Variants in JMJD1C observed in about 807,000 individuals in gnomAD.
The protein encoded by JMJD1C is jumonji domain containing 1C.
A neutral mutation model predicts 245.3 loss-of-function variants in JMJD1C; 31 were observed. The ratio of observed to expected loss-of-function variants is 0.13; its 90% confidence interval spans 0.09 to 0.17. The LOEUF is 0.17. JMJD1C is among the 10% of genes least tolerant of loss of function. The probability of loss-of-function intolerance (pLI) is 1.00; values close to 1 mark genes in which losing one functional copy is unlikely to be tolerated. For synonymous variants in JMJD1C, 1,057 were observed against 1,017.4 expected (o/e 1.04, Z -0.74); for missense variants, 2,691 against 3,000.2 (o/e 0.90, Z 2.41).
intron 1 of JMJD1C, among the ~76,000 whole-genome samples, chr10:63,459,594 G>C (rs759946776): frequency 2.0e-5 from 3 of 151,952 alleles, no homozygotes; most frequent in African/African-American, 7.2e-5. Context: ...GGATACACCT[G>C]GACACATAAA....
At chr10:63,411,066 C>A (rs1949444030) in intron 1 of JMJD1C, among the ~76,000 whole-genome samples, 2 of 152,140 alleles carry the variant, frequency 1.3e-5, no homozygotes, top group African/African-American at 2.4e-5. Context: ...GATGTTATGG[C>A]AGCCCTAGGA....
intron 1 of JMJD1C, among the ~76,000 whole-genome samples, chr10:63,449,814 C>T (rs1411506610): frequency 6.6e-6 from 1 of 151,992 alleles, no homozygotes; most frequent in Non-Finnish European, 1.5e-5. Flanking sequence ...TAAAACTGTA[C>T]ACAATTCCAA....
At position 63,430,469 on chromosome 10, in the gene JMJD1C, GA is replaced by G. The variant is rs1448480333; in HGVS notation, c.168+35025del. On this transcript the variant is annotated intron_variant, in intron 1 of 25. Coordinates refer to ENST00000399262, the MANE Select transcript of JMJD1C (RefSeq NM_032776.3). Reference sequence around the variant, plus strand: ...TGAATAAATCTTGAGAGCATTAAGTGAAAGAAAGCTAGATGCAAAAGGGCAC... The same window carrying G: ...TGAATAAATCTTGAGAGCATTAAGTGAAGAAAGCTAGATGCAAAAGGGCAC... Among the ~76,000 whole-genome samples the G allele has an allele frequency of 2.5e-4, 38 of 152,302 alleles. 1 individual carries two copies. The highest frequency in any genetic ancestry group is 8.9e-4 in the African/African-American group (37 of 41,572).
chr10:63,355,101 A>G lies in JMJD1C; in HGVS notation c.333+25217T>C, dbSNP rs117193764. On this transcript the variant is annotated intron_variant, in intron 2 of 25. Coordinates refer to ENST00000399262, the MANE Select transcript of JMJD1C (RefSeq NM_032776.3). ...GATAGAGATTTTTGTCTTAGAAAAA[A>G]AAAAGCAAGTGATTCTCTAATCTCT... 5.9e-4 allele frequency among the ~76,000 whole-genome samples: 90 copies of G among 152,266 alleles called. No individual in the cohort carries two copies. The Middle Eastern group carries it at 0.01, about 17-fold the overall frequency.
intron 2 of JMJD1C, chr10:63,268,666 G>T: frequency 2.1e-6 from 2 of 972,194 alleles, no homozygotes; most frequent in Middle Eastern, 5.3e-4. Flanking sequence ...ACCGTACTTT[G>T]TTCTTGAGAA....
At chr10:63,473,528 T>G (rs1465665508) in intron 1 of JMJD1C, among the ~76,000 whole-genome samples, 3 of 152,118 alleles carry the variant, frequency 2.0e-5, no homozygotes, top group Non-Finnish European at 2.9e-5. Context: ...ATTTCAGGCA[T>G]GAGCCACTGT....
intron 3 of JMJD1C, among the ~76,000 whole-genome samples, chr10:63,254,854 C>T (rs1396236764): frequency 2.0e-5 from 3 of 148,962 alleles, no homozygotes; most frequent in Non-Finnish European, 4.5e-5. Context: ...AGCATAGCTC[C>T]CCCCCTTTTT....
At chr10:63,346,822 T>C (rs1943854646) in intron 2 of JMJD1C, among the ~76,000 whole-genome samples, 1 of 152,178 alleles carries the variant, frequency 6.6e-6, no homozygotes, top group South Asian at 2.1e-4. Context: ...TATCGTATCA[T>C]TCAGTGTCAT....
At chr10:63,437,250 G>C (rs1951108925) in intron 1 of JMJD1C, among the ~76,000 whole-genome samples, 1 of 152,112 alleles carries the variant, frequency 6.6e-6, no homozygotes, top group African/African-American at 2.4e-5. Flanking sequence ...GTCAGTCCTT[G>C]CTGTACATAA....
chr10:63,518,979 ACT>A (rs774299079), intron 1 of JMJD1C, among the ~76,000 whole-genome samples: 6 of 152,182 alleles, frequency 3.9e-5, no homozygotes, highest in Non-Finnish European at 8.8e-5. Context: ...AGTTGAGTTA[ACT>A]TCTCTAAACC....
chr10:63,379,694 C>T (rs1159291228), intron 2 of JMJD1C, among the ~76,000 whole-genome samples: 1 of 152,160 alleles, frequency 6.6e-6, no homozygotes, highest in Non-Finnish European at 1.5e-5. Context: ...ACGTGGCATA[C>T]AGTCAACTAT....
At chr10:63,386,812 C>T (rs994656513) in intron 1 of JMJD1C, among the ~76,000 whole-genome samples, 1 of 152,162 alleles carries the variant, frequency 6.6e-6, no homozygotes, top group Non-Finnish European at 1.5e-5. Context: ...CACTCATTCA[C>T]CCCACTACTG....
At chr10:63,429,615 G>T (rs1004009573) in intron 1 of JMJD1C, among the ~76,000 whole-genome samples, 10 of 152,144 alleles carry the variant, frequency 6.6e-5, no homozygotes, top group Non-Finnish European at 2.9e-5. Flanking sequence ...AGCCTGCAGG[G>T]AAAATGTTGT....
At position 63,207,551 on chromosome 10, in the gene JMJD1C, T is replaced by C; in HGVS notation, c.4118A>G (p.Gln1373Arg). The C allele has an allele frequency of 1.9e-6, 3 of 1,614,190 alleles. No individual in the cohort carries two copies. Among genetic ancestry groups the C allele is most frequent in the African/African-American group, 1.3e-5 (1 of 75,060 alleles). Residue 1373 changes from glutamine (Q) to arginine (R), a missense_variant, in exon 10 of 26, where the codon CAG becomes CGG. Gln to Arg is a conservative substitution (Grantham distance 43). Around this residue, in one of 9 missense-constraint regions of JMJD1C, gnomAD observed 1,562 missense variants for 1,490.7 expected, o/e 1.05. Coordinates refer to ENST00000399262, the MANE Select transcript of JMJD1C (RefSeq NM_032776.3). ...SVHTKSEKNF[Q>R]AVSQGSVPSS... ...GGGAACACTGCCCTGTGAGACAGCC[T>C]GAAAGTTTTTTTCAGATTTTGTGTG...
chr10:63,217,147 G>T, intron 5 of JMJD1C, 60 bp downstream of exon 5: 1 of 1,424,702 alleles, frequency 7.0e-7, no homozygotes, highest in South Asian at 1.3e-5. Context: ...ATGTATTTTG[G>T]GGGGCATGGA....
intron 1 of JMJD1C, among the ~76,000 whole-genome samples, chr10:63,393,388 C>G (rs1333102668): frequency 6.6e-6 from 1 of 152,120 alleles, no homozygotes; most frequent in East Asian, 1.9e-4. Flanking sequence ...CAAAAAATAA[C>G]AGATGCTGGT....
intron 1 of JMJD1C, chr10:63,427,989 G>A: frequency 2.9e-6 from 2 of 690,206 alleles, no homozygotes; most frequent in Admixed American, 2.1e-5. Flanking sequence ...AGACAGTTTG[G>A]CTTAGCCCCC....
intron 3 of JMJD1C, among the ~76,000 whole-genome samples, chr10:63,236,914 G>A (rs539544314): frequency 6.6e-6 from 1 of 152,192 alleles, no homozygotes; most frequent in Non-Finnish European, 1.5e-5. Flanking sequence ...AGGTGTTCAA[G>A]ACCAGCCTGG....
At chr10:63,230,133 G>T (rs1367626967) in intron 3 of JMJD1C, among the ~76,000 whole-genome samples, 2 of 152,210 alleles carry the variant, frequency 1.3e-5, no homozygotes, top group Non-Finnish European at 2.9e-5. Flanking sequence ...AGCACTTTGG[G>T]AGGCTGAGGT....
Sources: allele counts gnomAD v4.1 joint callset (sites outside exome capture counted in the v4.1 genomes callset), GRCh38; gene constraint gnomAD v4.1.1; regional missense constraint gnomAD v4.1.1; transcripts MANE v1.5; gene names NCBI Gene and HGNC (gene_info 2026-07-23, HGNC 2026-07-21).